CNTN4: variants seen among roughly 807,000 people sequenced by gnomAD.
CNTN4 encodes the protein contactin-4.
In CNTN4, 77 loss-of-function variants were observed where a neutral mutation model predicts 122.5. The ratio of observed to expected loss-of-function variants is 0.63; its 90% CI spans 0.52 to 0.76. The LOEUF (loss-of-function observed/expected upper bound fraction) is 0.76. Ranked by LOEUF, CNTN4 falls within the 30% of genes least tolerant of loss-of-function variation. CNTN4 has a pLI of 0.00. For missense variants in CNTN4, 1,256 were observed against 1,259.1 expected (o/e 1.00, Z 0.04); for synonymous variants, 512 against 447.0 (o/e 1.15, Z -1.83).
intron 3 of CNTN4, among the ~76,000 whole-genome samples, chr3:2,545,269 G>A (rs2078196765): frequency 6.6e-6 from 1 of 152,128 alleles, no homozygotes; most frequent in African/African-American, 2.4e-5. Flanking sequence ...CCTGAGGATT[G>A]TTTTATGTCC....
intron 2 of CNTN4, among the ~76,000 whole-genome samples, chr3:2,219,492 C>T (rs993005958): frequency 3.3e-5 from 5 of 152,110 alleles, no homozygotes; most frequent in Non-Finnish European, 7.4e-5. Flanking sequence ...GCCATTGCAT[C>T]CTTTTCCTGT....
At chr3:2,286,247 A>AC (rs74556773) in intron 2 of CNTN4, among the ~76,000 whole-genome samples, 23,762 of 120,224 alleles carry the variant, frequency 0.2, 2,491 homozygotes, top group East Asian at 0.5. Context: ...CCCCCCCCAC[A>AC]ACATACACAT....
intron 18 of CNTN4, chr3:3,037,583 C>T: frequency 2.1e-6 from 1 of 483,832 alleles, no homozygotes; most frequent in Non-Finnish European, 3.8e-6. Context: ...CTCTCAAAAG[C>T]CAGCCCTTTC....
chr3:2,607,159 G>C (rs1239384887), intron 4 of CNTN4, among the ~76,000 whole-genome samples: 1 of 152,138 alleles, frequency 6.6e-6, no homozygotes, highest in Non-Finnish European at 1.5e-5. Context: ...AACTATGTCT[G>C]TTTTTGCTAG....
At chr3:2,669,444 T>C (rs1329435587) in intron 4 of CNTN4, among the ~76,000 whole-genome samples, 1 of 152,224 alleles carries the variant, frequency 6.6e-6, no homozygotes, top group Non-Finnish European at 1.5e-5. Context: ...GATATCCCCT[T>C]TGTCATTTTT....
intron 3 of CNTN4, among the ~76,000 whole-genome samples, chr3:2,366,844 G>C (rs1337433722): frequency 6.6e-6 from 1 of 151,930 alleles, no homozygotes; most frequent in African/African-American, 2.4e-5. Flanking sequence ...TTTATTGTAA[G>C]CATTATCTTA....
At chr3:2,760,848 C>T (rs1411324498) in intron 6 of CNTN4, among the ~76,000 whole-genome samples, 4 of 152,122 alleles carry the variant, frequency 2.6e-5, no homozygotes, top group Non-Finnish European at 5.9e-5. Flanking sequence ...GTCCTTACTC[C>T]TTTTCTCAGG....
intron 13 of CNTN4, among the ~76,000 whole-genome samples, chr3:2,984,987 C>T (rs1162357401): frequency 6.6e-6 from 1 of 152,204 alleles, no homozygotes; most frequent in Non-Finnish European, 1.5e-5. Context: ...CTGTTTTTGT[C>T]AGTGCATCTG....
chr3:2,141,987 G>C (rs1306469538), intron 2 of CNTN4, among the ~76,000 whole-genome samples: 2 of 152,130 alleles, frequency 1.3e-5, no homozygotes, highest in Non-Finnish European at 2.9e-5. Flanking sequence ...CTGGTCATTA[G>C]ACCTCACTAC....
chr3:2,521,073 C>T (rs1007635080), intron 3 of CNTN4, among the ~76,000 whole-genome samples: 1 of 152,074 alleles, frequency 6.6e-6, no homozygotes, highest in Non-Finnish European at 1.5e-5. Flanking sequence ...TCCCTATTTT[C>T]ACTACTTCTT....
intron 2 of CNTN4, among the ~76,000 whole-genome samples, chr3:2,139,842 A>G (rs1224308137): frequency 2.0e-5 from 3 of 152,214 alleles, no homozygotes; most frequent in Non-Finnish European, 4.4e-5. Flanking sequence ...CCTATCACAG[A>G]TGTGTGCATC....
intron 3 of CNTN4, among the ~76,000 whole-genome samples, chr3:2,340,707 A>AGAGAGAGAGAGAGAGAGAGAGGGG (rs1174143787): frequency 1.2e-5 from 1 of 85,368 alleles, no homozygotes; most frequent in African/African-American, 4.3e-5. Flanking sequence ...ATATATATAT[A>AGAGAGAGAGAGAGAGAGAGAGGGG]TATAGAGAGA....
At chr3:2,283,681 C>T (rs2041804395) in intron 2 of CNTN4, among the ~76,000 whole-genome samples, 1 of 152,120 alleles carries the variant, frequency 6.6e-6, no homozygotes, top group South Asian at 2.1e-4. Flanking sequence ...TAAGAACTTT[C>T]ATCTAACCTT....
chr3:2,562,492 G>C lies in CNTN4; in HGVS notation c.-88-8924G>C, dbSNP rs575726649. Among the ~76,000 whole-genome samples the C allele has an allele frequency of 6.6e-5, 10 of 152,130 alleles. No homozygotes were observed. In the East Asian group the frequency reaches 1.6e-3, roughly 24 times the overall value. ...TGAGATCACCCAGTATTTGTTTCCTGTTCCTGCATTAATTTGTTTAGTATA... is the reference window on the plus strand; with the variant it reads ...TGAGATCACCCAGTATTTGTTTCCTCTTCCTGCATTAATTTGTTTAGTATA... On this transcript the variant is annotated intron_variant, in intron 3 of 24. Transcript: ENST00000418658.
chr3:2,194,479 G>T (rs1182809217), intron 2 of CNTN4, among the ~76,000 whole-genome samples: 2 of 152,034 alleles, frequency 1.3e-5, no homozygotes, highest in Non-Finnish European at 2.9e-5. Context: ...AGAAAGGAAA[G>T]AAATCAAATG....
intron 2 of CNTN4, among the ~76,000 whole-genome samples, chr3:2,103,367 A>G (rs771956307): frequency 3.3e-5 from 5 of 152,204 alleles, no homozygotes; most frequent in African/African-American, 4.8e-5. Context: ...TTGAATACCT[A>G]CCAGGATCAG....
chr3:3,034,975 GT>G (rs1421408568), intron 17 of CNTN4, among the ~76,000 whole-genome samples, 185 bp downstream of exon 17: 2 of 152,044 alleles, frequency 1.3e-5, no homozygotes, highest in African/African-American at 4.8e-5. Context: ...TCACAGTTGG[GT>G]TTTTTTAAAC....
At chr3:2,644,428 T>C (rs1031859560) in intron 4 of CNTN4, among the ~76,000 whole-genome samples, 6 of 152,104 alleles carry the variant, frequency 3.9e-5, no homozygotes, top group Non-Finnish European at 4.4e-5. Context: ...TGAGCTCCTT[T>C]CAGAAACTCT....
intron 3 of CNTN4, among the ~76,000 whole-genome samples, chr3:2,412,589 G>C (rs1055647642): frequency 6.6e-6 from 1 of 152,124 alleles, no homozygotes; most frequent in Non-Finnish European, 1.5e-5. Context: ...GTGTACCCAC[G>C]TGGGGTTGTG....
Sources: allele counts gnomAD v4.1 joint callset (sites outside exome capture counted in the v4.1 genomes callset), GRCh38; gene constraint gnomAD v4.1.1; transcripts MANE v1.5; gene names NCBI Gene and HGNC (gene_info 2026-07-23, HGNC 2026-07-21).